Variants in SPATA33 observed in about 807,000 individuals in gnomAD.
The protein encoded by SPATA33 is spermatogenesis associated 33.
SPATA33 carries 10 observed loss-of-function variants against 8.9 expected under a neutral mutation model. That is an observed-to-expected ratio of 1.12 (90% confidence interval 0.69 to 1.90). The LOEUF is 1.90. SPATA33 is among the 40% of genes most tolerant of loss of function. The pLI is 0.00. For missense variants in SPATA33, 241 were observed against 178.3 expected (o/e 1.35, Z -2.00); for synonymous variants, 96 against 72.8 (o/e 1.32, Z -1.63).
At chr16:89,663,669 G>T (rs1477003448) in intron 2 of SPATA33, among the ~76,000 whole-genome samples, 3 of 152,126 alleles carry the variant, frequency 2.0e-5, no homozygotes, top group Non-Finnish European at 2.9e-5. Context: ...AGGGCTTTGG[G>T]GTTGGGGTAG....
intron 2 of SPATA33, chr16:89,660,667 AT>A (rs2059955254): frequency 1.1e-6 from 1 of 882,238 alleles, no homozygotes; most frequent in African/African-American, 1.7e-5. Context: ...TTCCCTTTCC[AT>A]GGAATGTCCA....
At chr16:89,662,217 C>T (rs886119771) in intron 2 of SPATA33, among the ~76,000 whole-genome samples, 4 of 151,694 alleles carry the variant, frequency 2.6e-5, no homozygotes, top group African/African-American at 9.7e-5. Flanking sequence ...TAGCTGGAAC[C>T]CAGGAAGCAG....
chr16:89,664,765 C>T (rs1369338687), intron 2 of SPATA33, among the ~76,000 whole-genome samples: 2 of 152,176 alleles, frequency 1.3e-5, no homozygotes, highest in Non-Finnish European at 2.9e-5. Context: ...GGAATAAATT[C>T]TGCCTCCAAC....
intron 2 of SPATA33, among the ~76,000 whole-genome samples, chr16:89,662,030 T>C (rs2059971813): frequency 6.6e-6 from 1 of 152,158 alleles, no homozygotes; most frequent in South Asian, 2.1e-4. Context: ...TGGTGGCTCA[T>C]GCTGTCATCC....
At chr16:89,661,335 G>A (rs771309839) in intron 2 of SPATA33, 60 of 422,668 alleles carry the variant, frequency 1.4e-4, no homozygotes, top group East Asian at 1.6e-4. Context: ...TAGTGAATGA[G>A]TGTCACGAGA....
At chr16:89,661,720 A>C (rs1181600621) in intron 2 of SPATA33, among the ~76,000 whole-genome samples, 1 of 152,204 alleles carries the variant, frequency 6.6e-6, no homozygotes, top group African/African-American at 2.4e-5. Context: ...AGAACTTGAA[A>C]AAAAAGGAGG....
chr16:89,669,341 C>G lies in SPATA33; in HGVS notation c.267C>G (p.Ile89Met), dbSNP rs199540350. 1.8e-5 allele frequency: 29 copies of G among 1,614,204 alleles called. No individual in the cohort carries two copies. In the East Asian group the frequency reaches 6.0e-4, roughly 33 times the overall value. ...GGAAGAAAGTGGTCGTTCCACAGAT[C>G]ATCATCACGCGAGCGTCGAATGAGA... The part of the protein sequence containing the change: ...SSRKKVVVPQ[I>M]IITRASNETL... The change falls in exon 3 of 3, where the codon ATC (isoleucine) becomes ATG (methionine). Residue 89 changes from isoleucine to methionine, a missense_variant. Ile to Met is a conservative substitution (Grantham distance 10, BLOSUM62 1). Transcript: ENST00000579310.
intron 2 of SPATA33, among the ~76,000 whole-genome samples, chr16:89,664,375 G>A (rs2059998449): frequency 3.3e-5 from 5 of 152,144 alleles, no homozygotes; most frequent in Non-Finnish European, 1.5e-5. Context: ...CACGATCCCT[G>A]CCCCTGGGAA....
rs1482591097 is a variant in SPATA33, at chr16:89,658,050, C to G, written c.37+102C>G. 3 of 1,457,258 alleles carry G rather than the reference C, an allele frequency of 2.1e-6. No individual in the cohort carries two copies. In the African/African-American group the frequency reaches 4.3e-5, roughly 21 times the overall value. The allele number at this position is 1,457,258 out of a possible 1,614,324, so 90.3% of individuals were successfully genotyped here. A position where few individuals can be genotyped will look rare whatever the true frequency, so the allele number is the denominator to read the frequency against. ...GGGCGGTGTGAGCGCAGGCGCCAGG[C>G]TCGGCCCGGTGCGAACCGTTCCTGC... is the stretch of plus-strand genomic sequence containing the variant. On this transcript the variant is annotated intron_variant, in intron 1 of 2. Coordinates refer to ENST00000579310, the MANE Select transcript of SPATA33 (RefSeq NM_001271907.2).
At position 89,660,553 on chromosome 16, in the gene SPATA33, G is replaced by A. The variant is rs527811361; in HGVS notation, c.211+2132G>A. The stretch of plus-strand genomic sequence containing the variant: ...CTCTCCATGCAGTGACGGGCTGAGC[G>A]ACAGTGAGGAGCAGGCTGCTGACTC... On this transcript the variant is annotated intron_variant, in intron 2 of 2. Coordinates refer to ENST00000579310, the MANE Select transcript of SPATA33 (RefSeq NM_001271907.2). 61 of 1,231,816 alleles carry A rather than the reference G, an allele frequency of 5.0e-5. No individual in the cohort carries two copies. In the African/African-American group the frequency reaches 5.4e-4, roughly 11 times the overall value. The allele number at this position is 1,231,816 out of a possible 1,614,324, so 76.3% of individuals were successfully genotyped here. A position where few individuals can be genotyped will look rare whatever the true frequency, so the allele number is the denominator to read the frequency against.
chr16:89,664,830 G>A lies in SPATA33; in HGVS notation c.212-4456G>A, dbSNP rs141158218. Among the ~76,000 whole-genome samples, 1,313 of 152,280 alleles carry A rather than the reference G, an allele frequency of 8.6e-3. 8 individuals are homozygous for A. The highest frequency in any genetic ancestry group is 0.018 in the African/African-American group (763 of 41,562). On this transcript the variant is annotated intron_variant, in intron 2 of 2. Transcript: ENST00000579310. ...CTCCTCATGAGAATGCAGTGCAGCC[G>A]GCCCCTGGAATTCAGCCTGCGTCCC...
chr16:89,661,143 C>T, intron 2 of SPATA33: 1 of 985,450 alleles, frequency 1.0e-6, no homozygotes, highest in Non-Finnish European at 1.2e-6. Flanking sequence ...GTGAGAAGAA[C>T]AGAAGGGCCA....
In SPATA33 at chr16:89,669,385, C is replaced by G. The variant is rs1481504683; in HGVS notation, c.311C>G (p.Ser104Cys). The G allele has an allele frequency of 1.2e-6, 2 of 1,614,196 alleles. No individual in the cohort carries two copies. The highest frequency in any genetic ancestry group is 2.7e-5 in the African/African-American group (2 of 75,036). ...AATGAGACGCTAGTCAGTTGCAGTTCCAGCGGGAGTGACCAGCAGAGAACC... is the reference window on the plus strand; with the variant it reads ...AATGAGACGCTAGTCAGTTGCAGTTGCAGCGGGAGTGACCAGCAGAGAACC... ...ASNETLVSCS[S>C]SGSDQQRTIR... is the part of the protein sequence containing the mutation. Residue 104 changes from serine (S) to cysteine (C), a missense_variant, in exon 3 of 3, where the codon TCC becomes TGC. Coordinates refer to ENST00000579310, the MANE Select transcript of SPATA33 (RefSeq NM_001271907.2).
At chr16:89,659,740 G>A (rs1173858246) in intron 2 of SPATA33, 1 of 152,374 alleles carries the variant, frequency 6.6e-6, no homozygotes, top group Non-Finnish European at 1.5e-5. Flanking sequence ...AAGAAAGAAT[G>A]TCAGGGGGAT....
chr16:89,661,385 T>G (rs964034891), intron 2 of SPATA33: 5 of 198,186 alleles, frequency 2.5e-5, no homozygotes, highest in Admixed American at 6.5e-5. Flanking sequence ...GCATAAGCTC[T>G]CTCTCTGCCT....
chr16:89,659,105 C>G (rs754605193), intron 2 of SPATA33: 1 of 152,354 alleles, frequency 6.6e-6, no homozygotes, highest in Non-Finnish European at 1.5e-5. Context: ...TCAAGACCAG[C>G]TTGGGCAACA....
chr16:89,658,126 A>G (rs1597798035), intron 1 of SPATA33, 122 bp from the exon 2 acceptor site: 1 of 1,522,364 alleles, frequency 6.6e-7, no homozygotes, highest in Non-Finnish European at 8.8e-7. Context: ...GGTTACGGAA[A>G]CGCGGAGACT....
At chr16:89,665,857 A>G (rs541423206) in intron 2 of SPATA33, among the ~76,000 whole-genome samples, 68 of 152,192 alleles carry the variant, frequency 4.5e-4, no homozygotes, top group Non-Finnish European at 1.9e-4. Context: ...AGGCAGGTGG[A>G]TCACTTGAGG....
chr16:89,667,566 A>C (rs1456592882), intron 2 of SPATA33, among the ~76,000 whole-genome samples: 1 of 152,142 alleles, frequency 6.6e-6, no homozygotes, highest in Admixed American at 6.5e-5. Flanking sequence ...GGAAGGCTGA[A>C]GTGGGAGGAT....
Sources: allele counts gnomAD v4.1 joint callset (sites outside exome capture counted in the v4.1 genomes callset), GRCh38; gene constraint gnomAD v4.1.1; transcripts MANE v1.5; gene names NCBI Gene and HGNC (gene_info 2026-07-23, HGNC 2026-07-21).